PRIM1: variants seen among roughly 807,000 people sequenced by gnomAD.
The protein encoded by PRIM1 is DNA primase small subunit.
PRIM1 carries 38 observed loss-of-function variants against 60.2 expected under a neutral mutation model. That is an observed-to-expected ratio of 0.63 (90% CI 0.49 to 0.83). The LOEUF (loss-of-function observed/expected upper bound fraction) is 0.83. Ranked by LOEUF, PRIM1 falls within the 40% of genes least tolerant of loss-of-function variation. The probability of loss-of-function intolerance (pLI) is 0.00; values close to 1 mark genes in which losing one functional copy is unlikely to be tolerated. For synonymous variants in PRIM1, 158 were observed against 160.2 expected, an observed-to-expected ratio of 0.99 and a Z score of 0.10; for missense variants, 388 against 506.2, an observed-to-expected ratio of 0.77 and a Z score of 2.24.
intron 2 of PRIM1, among the ~76,000 whole-genome samples, chr12:56,747,753 G>T (rs1289203858): frequency 6.6e-6 from 1 of 151,972 alleles, no homozygotes; most frequent in Non-Finnish European, 1.5e-5. Context: ...TCAAAAAAAA[G>T]AACCTGAGAG....
chr12:56,739,258 T>C, intron 10 of PRIM1, 36 bp downstream of exon 10: 1 of 1,404,296 alleles, frequency 7.1e-7, no homozygotes, highest in Non-Finnish European at 9.6e-7. Context: ...ATAACAACAA[T>C]TACAAACAAG....
chr12:56,735,809 C>A (rs2137858172), intron 11 of PRIM1, among the ~76,000 whole-genome samples: 1 of 151,424 alleles, frequency 6.6e-6, no homozygotes, highest in South Asian at 2.1e-4. Flanking sequence ...CGCCACGACG[C>A]CCAGATAATT....
chr12:56,747,376 C>A (rs1280498061), intron 2 of PRIM1, among the ~76,000 whole-genome samples: 4 of 125,906 alleles, frequency 3.2e-5, no homozygotes, highest in Non-Finnish European at 5.1e-5. Context: ...TGTTACCATA[C>A]ATAGAAGTAT....
rs201583406 is a variant in PRIM1 at position 56,739,298 on chromosome 12, T to C, written c.1048A>G (p.Ile350Val). Reference sequence around the variant, plus strand: ...GATCAATGATCTGAAACATACCTTATGGTCGGAACAGTAAATGGATCAAAC... The same window carrying C: ...GATCAATGATCTGAAACATACCTTACGGTCGGAACAGTAAATGGATCAAAC... Reference protein sequence around the residue: ...DQFDPFTVPTISFICRELDAI... With the variant: ...DQFDPFTVPTVSFICRELDAI... The change falls in exon 10 of 13, where the codon ATA (isoleucine) becomes GTA (valine). Residue 350 changes from isoleucine to valine, a missense_variant. This residue lies in a region of PRIM1 where 211 missense variants were observed against 277.9 expected (regional missense o/e 0.76). Transcript: ENST00000338193. 534 of 1,562,438 alleles carry C rather than the reference T, an allele frequency of 3.4e-4. 2 individuals are homozygous for C. Among genetic ancestry groups the C allele is most frequent in the Middle Eastern group, 3.0e-3 (18 of 5,920 alleles).
intron 9 of PRIM1, 130 bp downstream of exon 9, chr12:56,741,305 T>G: frequency 1.0e-6 from 1 of 996,138 alleles, no homozygotes; most frequent in Non-Finnish European, 1.4e-6. Flanking sequence ...GACTTAGGTA[T>G]TGGGTGACAG....
Position 56,751,125 on chromosome 12 carries a change from T to C in PRIM1, c.174A>G (p.Gln58=), listed in dbSNP as rs571781364. 5 of 1,586,966 alleles carry C rather than the reference T, an allele frequency of 3.2e-6. No individual in the cohort carries two copies. The highest frequency in any genetic ancestry group is 1.3e-5 in the African/African-American group (1 of 74,444). The change falls in exon 2 of 13, where the codon CAA becomes CAG. Residue 58 remains glutamine (Q), a synonymous_variant. Transcript: ENST00000338193. ...TLKDDIYIRY[Q]SFNNQSDLEK... is the part of the protein sequence containing the mutation. ...CCAGATCACTCTGGTTGTTGAAGGA[T>C]TGGTAGCGAATGTAAATATCATCTT...
At position 56,746,630 on chromosome 12, in the gene PRIM1, A is replaced by T. The variant is rs955372711; in HGVS notation, c.442+151T>A. 19 of 327,720 alleles carry T rather than the reference A, an allele frequency of 5.8e-5. No homozygotes were observed. The African/African-American group carries it at 7.2e-4, about 12-fold the overall frequency. The allele number at this position is 327,720 out of a possible 1,614,324, so 20.3% of individuals were successfully genotyped here. ...TGGCTGACAGAGTGAGACTCGTCAC[A>T]CACACACACACACACACACACACAC... On this transcript the variant is annotated intron_variant, in intron 4 of 12. Coordinates refer to ENST00000338193, the MANE Select transcript of PRIM1 (RefSeq NM_000946.3).
intron 3 of PRIM1, 34 bp downstream of exon 3, chr12:56,746,892 C>T: frequency 6.2e-7 from 1 of 1,612,404 alleles, no homozygotes; most frequent in Non-Finnish European, 8.5e-7. Context: ...TCAGTGATAC[C>T]ACCCACCCTA....
At chr12:56,738,596 G>T (rs1953850879) in intron 10 of PRIM1, 71 bp from the exon 11 acceptor site, 2 of 1,485,202 alleles carry the variant, frequency 1.3e-6, no homozygotes, top group Non-Finnish European at 1.8e-6. Context: ...TCTGTTGCCA[G>T]GCCGGAGTGT....
chr12:56,731,687 A>G lies in PRIM1; in HGVS notation c.*28T>C. 6.7e-7 allele frequency: 1 copy of G among 1,502,074 alleles called. No homozygotes were observed. The highest frequency in any genetic ancestry group is 9.0e-7 in the Non-Finnish European group (1 of 1,106,322). 93.0% of individuals were successfully genotyped at this position (1,502,074 alleles called of 1,614,324 possible). A position where few individuals can be genotyped will look rare whatever the true frequency, so the allele number is the denominator to read the frequency against. ...TGATCTGTGGTTGAAGGCAGAAGATATCCACAATGGTTTGAGGAGCTCTGT... is the reference window on the plus strand; with the variant it reads ...TGATCTGTGGTTGAAGGCAGAAGATGTCCACAATGGTTTGAGGAGCTCTGT... On this transcript the variant is annotated 3_prime_UTR_variant, in exon 13 of 13. Transcript: ENST00000338193.
rs116311187 is a variant in PRIM1 at position 56,747,902 on chromosome 12, G to C, written c.262-870C>G. On this transcript the variant is annotated intron_variant, in intron 2 of 12. Transcript: ENST00000338193. Reference sequence around the variant, plus strand: ...ATTTATACCTCAGAACCCCCAAAAGGCTCAGGGATAGGTGATACCAGGTAT... The same window carrying C: ...ATTTATACCTCAGAACCCCCAAAAGCCTCAGGGATAGGTGATACCAGGTAT... Among the ~76,000 whole-genome samples, 419 of 152,214 alleles carry C rather than the reference G, an allele frequency of 2.8e-3. 2 individuals carry two copies. Among genetic ancestry groups the C allele is most frequent in the African/African-American group, 9.8e-3 (408 of 41,538 alleles).
chr12:56,752,022 T>A, intron 1 of PRIM1, 174 bp downstream of exon 1: 1 of 191,060 alleles, frequency 5.2e-6, no homozygotes. Context: ...GCTTATTATA[T>A]CCTCTCTCGG....
At chr12:56,748,442 A>G (rs1488738736) in intron 2 of PRIM1, among the ~76,000 whole-genome samples, 1 of 151,992 alleles carries the variant, frequency 6.6e-6, no homozygotes, top group African/African-American at 2.4e-5. Context: ...CCTGGCTAAC[A>G]TGGTGAAACC....
At chr12:56,734,464 G>A (rs12318649) in intron 11 of PRIM1, among the ~76,000 whole-genome samples, 4,364 of 152,036 alleles carry the variant, frequency 0.029, 231 homozygotes, top group African/African-American at 0.099. Flanking sequence ...CAGTGGTTCC[G>A]TCTTGGCTCA....
intron 11 of PRIM1, 45 bp downstream of exon 11, chr12:56,738,389 A>G (rs1953848609): frequency 6.7e-7 from 1 of 1,496,198 alleles, no homozygotes; most frequent in South Asian, 1.2e-5. Flanking sequence ...GGATATCTAT[A>G]TAAAAACCCT....
intron 1 of PRIM1, chr12:56,751,405 G>A (rs947180919): frequency 5.9e-5 from 21 of 357,744 alleles, no homozygotes; most frequent in Non-Finnish European, 9.1e-5. Flanking sequence ...TCAGCCTCCC[G>A]AGGCTGTAGC....
In PRIM1 at chr12:56,741,497, A is replaced by G; in HGVS notation, c.920T>C (p.Ile307Thr). ...ATGATTGATTCCTTTGCTGACATTG[A>G]TATCCAGCCGTGGAAAACAGTACTG... is the stretch of plus-strand genomic sequence containing the variant. The part of the protein sequence containing the change: ...MLQYCFPRLD[I>T]NVSKGINHLL... Residue 307 changes from isoleucine to threonine, a missense_variant, in exon 9 of 13, where the codon ATC becomes ACC. Coordinates refer to ENST00000338193, the MANE Select transcript of PRIM1 (RefSeq NM_000946.3). The G allele has an allele frequency of 6.2e-7, 1 of 1,613,782 alleles. No homozygotes were observed. The highest frequency in any genetic ancestry group is 2.2e-5 in the East Asian group (1 of 44,876).
chr12:56,751,245 C>T (rs1341244071), intron 1 of PRIM1, 50 bp from the exon 2 acceptor site: 3 of 1,330,446 alleles, frequency 2.3e-6, no homozygotes, highest in Admixed American at 3.1e-5. Context: ...TTATTTGGCT[C>T]AGGGCATTAT....
chr12:56,735,194 G>A (rs946543454), intron 11 of PRIM1, among the ~76,000 whole-genome samples: 4 of 151,766 alleles, frequency 2.6e-5, no homozygotes, highest in African/African-American at 9.7e-5. Flanking sequence ...CGCCTCCCGA[G>A]TTCAAGCGAT....
Sources: allele counts gnomAD v4.1 joint callset (sites outside exome capture counted in the v4.1 genomes callset), GRCh38; gene constraint gnomAD v4.1.1; regional missense constraint gnomAD v4.1.1; transcripts MANE v1.5; gene names NCBI Gene and HGNC (gene_info 2026-07-23, HGNC 2026-07-21).